The following SCAND3 variants were observed in gnomAD, a reference collection of about 807,000 sequenced individuals.
SCAND3 encodes the protein SCAN domain containing 3, also known as SCAN domain-containing protein 3.
At chr6:28,606,763 G>T in the SCAND3 span, among the ~76,000 whole-genome samples, 1 of 152,210 alleles carries the variant, frequency 6.6e-6, no homozygotes, top group Non-Finnish European at 1.5e-5. Context: ...TGATTTGAGG[G>T]TCTTTGTTCC....
At chr6:28,572,972 C>T in the SCAND3 span, 2 of 1,613,756 alleles carry the variant, frequency 1.2e-6, no homozygotes, top group African/African-American at 2.7e-5. The surrounding 1 kb of genome is among the most constrained non-coding windows in gnomAD (Gnocchi z 4.1). Context: ...ATTGAAGCTG[C>T]ACCATCAGAA....
the SCAND3 span, among the ~76,000 whole-genome samples, chr6:28,574,298 G>A: frequency 6.6e-6 from 1 of 152,110 alleles, no homozygotes; most frequent in Non-Finnish European, 1.5e-5. Context: ...ACTAGTTTAA[G>A]TCATAAGTAA....
chr6:28,611,532 TACA>T, the SCAND3 span, among the ~76,000 whole-genome samples: 1 of 152,210 alleles, frequency 6.6e-6, no homozygotes, highest in East Asian at 1.9e-4. Flanking sequence ...CATTTTAATA[TACA>T]ACAATATTAA....
At chr6:28,578,634 A>G in the SCAND3 span, among the ~76,000 whole-genome samples, 1 of 152,210 alleles carries the variant, frequency 6.6e-6, no homozygotes, top group Non-Finnish European at 1.5e-5. Context: ...GAATTAGAAG[A>G]AGAAATACAG....
At chr6:28,586,624 G>T in the SCAND3 span, 1 of 1,613,988 alleles carries the variant, frequency 6.2e-7, no homozygotes, top group Non-Finnish European at 8.5e-7. The surrounding 1 kb of genome is among the most constrained non-coding windows in gnomAD (Gnocchi z 4.4). Context: ...TCCCAAGTGT[G>T]GTCTTCTTCT....
the SCAND3 span, among the ~76,000 whole-genome samples, chr6:28,589,049 C>T: frequency 6.6e-6 from 1 of 152,174 alleles, no homozygotes; most frequent in Non-Finnish European, 1.5e-5. Context: ...ATCATACAGG[C>T]CTTAGAGTAC....
chr6:28,601,059 C>T, the SCAND3 span, among the ~76,000 whole-genome samples: 2 of 151,878 alleles, frequency 1.3e-5, no homozygotes, highest in Admixed American at 1.3e-4. Flanking sequence ...CCCGCCACCA[C>T]GCCCAGCTAA....
At chr6:28,612,033 TTTTTTTGTTG>T in the SCAND3 span, among the ~76,000 whole-genome samples, 14 of 151,838 alleles carry the variant, frequency 9.2e-5, no homozygotes, top group South Asian at 2.9e-3. Flanking sequence ...GTTTTTCTTG[TTTTTTTGTTG>T]TTTTTTTTTT....
At chr6:28,575,391 A>G in the SCAND3 span, 2 of 1,613,994 alleles carry the variant, frequency 1.2e-6, no homozygotes, top group Non-Finnish European at 8.5e-7. This position sits in a 1 kb window ranked among gnomAD's most constrained non-coding sequence, Gnocchi z 4.2. Context: ...ATTCCCTCCC[A>G]TTGTCAGATT....
the SCAND3 span, among the ~76,000 whole-genome samples, chr6:28,581,720 T>C: frequency 6.6e-6 from 1 of 152,086 alleles, no homozygotes; most frequent in African/African-American, 2.4e-5. Flanking sequence ...ATCAGGAAAA[T>C]AAAAGCTTCC....
At chr6:28,608,087 C>T in the SCAND3 span, among the ~76,000 whole-genome samples, 3 of 152,196 alleles carry the variant, frequency 2.0e-5, no homozygotes, top group Admixed American at 2.0e-4. Context: ...GAGAAAGACA[C>T]TCCTTTGAAA....
chr6:28,580,804 C>A, the SCAND3 span, among the ~76,000 whole-genome samples: 1 of 126,884 alleles, frequency 7.9e-6, no homozygotes, highest in Non-Finnish European at 1.6e-5. Context: ...ACCCCCCCAC[C>A]CCCCCAAGCA....
the SCAND3 span, chr6:28,575,865 A>C: frequency 3.7e-6 from 6 of 1,613,960 alleles, no homozygotes; most frequent in African/African-American, 6.7e-5. This position sits in a 1 kb window ranked among gnomAD's most constrained non-coding sequence, Gnocchi z 4.2. Context: ...TTCCTTGTAC[A>C]AGGATAACAT....
chr6:28,607,293 C>A, the SCAND3 span, among the ~76,000 whole-genome samples: 1 of 152,090 alleles, frequency 6.6e-6, no homozygotes, highest in African/African-American at 2.4e-5. Context: ...TTCTCCCTCC[C>A]GTTAAATAAA....
At chr6:28,573,076 G>A in the SCAND3 span, 1 of 1,608,564 alleles carries the variant, frequency 6.2e-7, no homozygotes, top group South Asian at 1.1e-5. Flanking sequence ...TGTGTTTGTA[G>A]GCAAAGAGGC....
the SCAND3 span, among the ~76,000 whole-genome samples, chr6:28,607,148 C>T: frequency 1.6e-4 from 25 of 152,316 alleles, no homozygotes; most frequent in East Asian, 1.7e-3. Flanking sequence ...AGCAACCTGT[C>T]TGTGGTTGGG....
the SCAND3 span, among the ~76,000 whole-genome samples, chr6:28,586,067 G>A: frequency 2.6e-5 from 4 of 151,822 alleles, no homozygotes; most frequent in African/African-American, 9.7e-5. The surrounding 1 kb of genome is among the most constrained non-coding windows in gnomAD (Gnocchi z 4.4). Flanking sequence ...ATTTTCTACT[G>A]GTAAAAAATA....
At chr6:28,573,456 G>A in the SCAND3 span, 14 of 1,614,112 alleles carry the variant, frequency 8.7e-6, no homozygotes, top group East Asian at 2.2e-4. Flanking sequence ...TATGAGAAAC[G>A]TTGAACACCT....
chr6:28,588,886 G>C, the SCAND3 span, among the ~76,000 whole-genome samples: 1 of 152,192 alleles, frequency 6.6e-6, no homozygotes, highest in East Asian at 1.9e-4. This position sits in a 1 kb window ranked among gnomAD's most constrained non-coding sequence, Gnocchi z 4.1. Flanking sequence ...GCTAAAGTGT[G>C]TTAAGATCCT....
Sources: allele counts gnomAD v4.1 joint callset (sites outside exome capture counted in the v4.1 genomes callset), GRCh38; gene constraint gnomAD v4.1.1; non-coding constraint Gnocchi (gnomAD v3.1); transcripts MANE v1.5; gene names NCBI Gene and HGNC (gene_info 2026-07-23, HGNC 2026-07-21).